The following ST6GALNAC5 variants were observed in gnomAD, a reference collection of about 807,000 sequenced individuals.
ST6GALNAC5 encodes the protein ST6 N-acetylgalactosaminide alpha-2,6-sialyltransferase 5.
A neutral mutation model predicts 33.6 loss-of-function variants in ST6GALNAC5; 27 were observed. The ratio of observed to expected loss-of-function variants is 0.80; its 90% confidence interval spans 0.59 to 1.11. The LOEUF (loss-of-function observed/expected upper bound fraction) is 1.11, where lower values mean the gene tolerates loss of function less well. Ranked by LOEUF, ST6GALNAC5 falls within the 50% of genes least tolerant of loss-of-function variation. The probability of loss-of-function intolerance (pLI) is 0.00; values close to 1 mark genes in which losing one functional copy is unlikely to be tolerated. For synonymous variants in ST6GALNAC5, 194 were observed against 171.2 expected (o/e 1.13, Z -1.04); for missense variants, 428 against 454.0 (o/e 0.94, Z 0.52).
rs1025799685 is a variant in ST6GALNAC5 at position 76,913,556 on chromosome 1, C to A, written c.261+44814C>A. On this transcript the variant is annotated intron_variant, in intron 2 of 4. Coordinates refer to ENST00000477717, the MANE Select transcript of ST6GALNAC5 (RefSeq NM_030965.3). ...TTCTCCCCGTCACTTTCAGGTAAAC[C>A]AATCAGATGCAGATTTGGTCTTTTC... Among the ~76,000 whole-genome samples, 6 of 152,136 alleles carry A rather than the reference C, an allele frequency of 3.9e-5. 1 individual carries two copies. Among genetic ancestry groups the A allele is most frequent in the South Asian group, 2.1e-4 (1 of 4,828 alleles).
At chr1:76,978,726 A>G (rs1649127399) in intron 2 of ST6GALNAC5, among the ~76,000 whole-genome samples, 1 of 152,242 alleles carries the variant, frequency 6.6e-6, no homozygotes, top group African/African-American at 2.4e-5. Flanking sequence ...CAAGACAAGA[A>G]TGCCCACTTT....
chr1:77,043,554 A>C (rs1478378762), intron 2 of ST6GALNAC5, among the ~76,000 whole-genome samples: 3 of 152,196 alleles, frequency 2.0e-5, no homozygotes. Flanking sequence ...AAAATAGAAG[A>C]AGCAATCCTA....
chr1:77,011,270 C>A (rs936034463), intron 2 of ST6GALNAC5, among the ~76,000 whole-genome samples: 1 of 152,166 alleles, frequency 6.6e-6, no homozygotes, highest in South Asian at 2.1e-4. Flanking sequence ...TCTTGTTTTA[C>A]GTGCCTTGGT....
At chr1:76,869,826 A>G (rs367771773) in intron 2 of ST6GALNAC5, among the ~76,000 whole-genome samples, 93 of 152,350 alleles carry the variant, frequency 6.1e-4, no homozygotes, top group African/African-American at 2.1e-3. Context: ...ACGGATCTTT[A>G]AATACCTGAG....
chr1:76,910,254 T>C (rs1458793205), intron 2 of ST6GALNAC5, among the ~76,000 whole-genome samples: 1 of 152,092 alleles, frequency 6.6e-6, no homozygotes, highest in African/African-American at 2.4e-5. Flanking sequence ...TGCCTATTCC[T>C]CTGTAATTAT....
intron 2 of ST6GALNAC5, among the ~76,000 whole-genome samples, chr1:76,983,147 A>G (rs1034400915): frequency 6.6e-6 from 1 of 152,188 alleles, no homozygotes; most frequent in Admixed American, 6.5e-5. Context: ...ACAGGATCAA[A>G]TTCACACATA....
chr1:76,970,983 T>G (rs1344832638), intron 2 of ST6GALNAC5, among the ~76,000 whole-genome samples: 1 of 152,220 alleles, frequency 6.6e-6, no homozygotes, highest in African/African-American at 2.4e-5. Flanking sequence ...TATTTCTTGT[T>G]CTTTCTTGAT....
chr1:76,961,381 G>C (rs1325734388), intron 2 of ST6GALNAC5, among the ~76,000 whole-genome samples: 2 of 152,182 alleles, frequency 1.3e-5, no homozygotes, highest in African/African-American at 4.8e-5. Context: ...TCTCTGGAAT[G>C]CGAAGAAGAA....
At chr1:77,003,920 T>C (rs979774061) in intron 2 of ST6GALNAC5, among the ~76,000 whole-genome samples, 1 of 134,680 alleles carries the variant, frequency 7.4e-6, no homozygotes, top group African/African-American at 2.7e-5. Context: ...TGGCTGCCCT[T>C]AACATTTTTT....
intron 2 of ST6GALNAC5, among the ~76,000 whole-genome samples, chr1:76,982,664 A>G (rs1293993825): frequency 6.6e-6 from 1 of 152,176 alleles, no homozygotes; most frequent in Admixed American, 6.5e-5. Flanking sequence ...TACAGAGAAC[A>G]CCACAAAGAT....
chr1:77,043,279 C>T (rs577591310), intron 2 of ST6GALNAC5, among the ~76,000 whole-genome samples: 41 of 152,242 alleles, frequency 2.7e-4, no homozygotes, highest in Non-Finnish European at 5.4e-4. Context: ...GCTCATTAAA[C>T]ATGAACACGG....
chr1:77,004,449 G>T (rs1300341574), intron 2 of ST6GALNAC5, among the ~76,000 whole-genome samples: 1 of 144,716 alleles, frequency 6.9e-6, no homozygotes, highest in Non-Finnish European at 1.5e-5. Context: ...TCCTCCCGTA[G>T]CTCAGAGTAA....
chr1:76,969,891 G>T (rs1419916602), intron 2 of ST6GALNAC5, among the ~76,000 whole-genome samples: 1 of 152,112 alleles, frequency 6.6e-6, no homozygotes, highest in Non-Finnish European at 1.5e-5. Flanking sequence ...GCCTCTGCTG[G>T]TAATACCTAG....
At chr1:76,947,324 A>C (rs1003330239) in intron 2 of ST6GALNAC5, among the ~76,000 whole-genome samples, 10 of 152,166 alleles carry the variant, frequency 6.6e-5, no homozygotes, top group African/African-American at 2.4e-4. Flanking sequence ...GTTCAGATTT[A>C]AATTTGATGA....
At chr1:76,892,007 T>A (rs1654023697) in intron 2 of ST6GALNAC5, among the ~76,000 whole-genome samples, 1 of 152,190 alleles carries the variant, frequency 6.6e-6, no homozygotes, top group Admixed American at 6.5e-5. Flanking sequence ...AGAATAATGA[T>A]CTGCTATTTC....
chr1:76,982,895 C>G (rs189408137), intron 2 of ST6GALNAC5, among the ~76,000 whole-genome samples: 1 of 152,102 alleles, frequency 6.6e-6, no homozygotes, highest in South Asian at 2.1e-4. Flanking sequence ...ACCCAGATTT[C>G]ATATCCAGCC....
chr1:76,961,305 C>T (rs1025909529), intron 2 of ST6GALNAC5, among the ~76,000 whole-genome samples: 3 of 152,080 alleles, frequency 2.0e-5, no homozygotes, highest in African/African-American at 7.2e-5. Flanking sequence ...ACTGCAAATT[C>T]TAAAGTTCTG....
At chr1:76,961,733 C>T (rs1457781077) in intron 2 of ST6GALNAC5, among the ~76,000 whole-genome samples, 3 of 152,188 alleles carry the variant, frequency 2.0e-5, no homozygotes, top group Non-Finnish European at 4.4e-5. Context: ...TCAAATTTCA[C>T]TTCTTCAGAA....
chr1:76,961,233 C>T (rs1207511078), intron 2 of ST6GALNAC5, among the ~76,000 whole-genome samples: 1 of 152,112 alleles, frequency 6.6e-6, no homozygotes, highest in African/African-American at 2.4e-5. Context: ...AGATCCTGCC[C>T]GAAGTTGCCC....
Sources: allele counts gnomAD v4.1 joint callset (sites outside exome capture counted in the v4.1 genomes callset), GRCh38; gene constraint gnomAD v4.1.1; transcripts MANE v1.5; gene names NCBI Gene and HGNC (gene_info 2026-07-23, HGNC 2026-07-21).